CSF2RB: variants seen among roughly 807,000 people sequenced by gnomAD.
CSF2RB encodes the protein cytokine receptor common subunit beta.
CSF2RB carries 22 observed loss-of-function variants against 67.2 expected under a neutral mutation model. The ratio of observed to expected loss-of-function variants is 0.33; its 90% CI spans 0.23 to 0.47. The LOEUF (loss-of-function observed/expected upper bound fraction) is 0.47. Among genes scored for constraint, CSF2RB ranks in the 20% least tolerant of loss-of-function variants. CSF2RB has a pLI of 1.00. For missense variants in CSF2RB, 1,113 were observed against 1,174.5 expected (o/e 0.95, Z 0.76); for synonymous variants, 507 against 482.9 (o/e 1.05, Z -0.65).
rs956937682 is a variant in CSF2RB, at chr22:36,937,139, A to T, written c.1569-238A>T. ...GAGGGTACCAGCCTTGCAGAGGAAGACCTTGAGCTCAGCATGGAGGATGGA... is the reference window on the plus strand; with the variant it reads ...GAGGGTACCAGCCTTGCAGAGGAAGTCCTTGAGCTCAGCATGGAGGATGGA... On this transcript the variant is annotated intron_variant, in intron 13 of 13. Transcript: ENST00000403662. The surrounding 1 kb of genome is among the most constrained non-coding windows in gnomAD (Gnocchi z 4.6). Among the ~76,000 whole-genome samples the T allele has an allele frequency of 6.6e-6, 1 of 152,010 alleles. No homozygotes were observed. Among genetic ancestry groups the T allele is most frequent in the African/African-American group, 2.4e-5 (1 of 41,360 alleles).
At chr22:36,935,312 C>G in intron 10 of CSF2RB, 39 bp from the exon 11 acceptor site, 33 of 1,602,918 alleles carry the variant, frequency 2.1e-5, no homozygotes, top group Non-Finnish European at 2.8e-5. Flanking sequence ...ATTTCCCGCC[C>G]AGATGCTGAC....
rs149714683 is a variant in CSF2RB at position 36,929,733 on chromosome 22, G to A, written c.644G>A (p.Arg215His). The change falls in exon 6 of 14, where the codon CGC becomes CAC. Residue 215 changes from arginine to histidine, a missense_variant. By Grantham distance (29) the Arg-to-His change is conservative. Transcript: ENST00000403662. ...ACCTACGTGGCCCGAGTACGGACCC[G>A]CCTGGCCCCAGGTTCTCGGCTCTCA... ...SSTYVARVRT[R>H]LAPGSRLSGR... 2.5e-4 allele frequency: 400 copies of A among 1,614,136 alleles called. 1 individual carries two copies. The highest frequency in any genetic ancestry group is 3.3e-4 in the Middle Eastern group (2 of 6,062).
At position 36,937,364 on chromosome 22, in the gene CSF2RB, T is replaced by G. The variant is rs16997510; in HGVS notation, c.1569-13T>G. Reference sequence around the variant, plus strand: ...GGGTGGTCCCAACTCTTCTGCCCATTTTCTTCCCACAGGGTGTTCCCTGTA... The same window carrying G: ...GGGTGGTCCCAACTCTTCTGCCCATGTTCTTCCCACAGGGTGTTCCCTGTA... On this transcript the variant is annotated splice_polypyrimidine_tract_variant and intron_variant, in intron 13 of 13. Coordinates refer to ENST00000403662, the MANE Select transcript of CSF2RB (RefSeq NM_000395.3). The surrounding 1 kb of genome is among the most constrained non-coding windows in gnomAD (Gnocchi z 4.6). The G allele has an allele frequency of 0.035, 56,845 of 1,611,906 alleles. 2,083 individuals carry two copies. Among genetic ancestry groups the G allele is most frequent in the African/African-American group, 0.16 (12,031 of 74,700 alleles).
intron 10 of CSF2RB, 76 bp from the exon 11 acceptor site, chr22:36,935,275 C>A (rs895336391): frequency 2.2e-6 from 3 of 1,391,034 alleles, no homozygotes; most frequent in Non-Finnish European, 3.0e-6. Flanking sequence ...GAATACTGCA[C>A]CAACCCCACT....
chr22:36,931,196 T>G (rs1941141637), intron 8 of CSF2RB, among the ~76,000 whole-genome samples: 1 of 152,232 alleles, frequency 6.6e-6, no homozygotes, highest in African/African-American at 2.4e-5. Flanking sequence ...CGACTGATAT[T>G]CTATCTTTAA....
chr22:36,926,212 T>A (rs749366022), intron 4 of CSF2RB, 35 bp downstream of exon 4: 19 of 1,609,062 alleles, frequency 1.2e-5, no homozygotes, highest in Admixed American at 3.3e-5. Context: ...GGGCTTGGTT[T>A]CCTGTGTGGA....
At chr22:36,932,648 G>A in intron 8 of CSF2RB, 117 bp from the exon 9 acceptor site, 2 of 1,227,254 alleles carry the variant, frequency 1.6e-6, no homozygotes, top group Non-Finnish European at 2.3e-6. Flanking sequence ...TCCAACCATG[G>A]GCAGAACCTG....
intron 12 of CSF2RB, 111 bp from the exon 13 acceptor site, chr22:36,936,435 ATTC>A: frequency 1.2e-6 from 1 of 819,468 alleles, no homozygotes; most frequent in East Asian, 2.6e-5. Flanking sequence ...AGAAGTGGAG[ATTC>A]TTCTCTTGTC....
In CSF2RB at chr22:36,932,655, C is replaced by T. The variant is rs113288713; in HGVS notation, c.1013-110C>T. On this transcript the variant is annotated intron_variant, in intron 8 of 13. Coordinates refer to ENST00000403662, the MANE Select transcript of CSF2RB (RefSeq NM_000395.3). The stretch of plus-strand genomic sequence containing the variant: ...GAAAAGGATCCAACCATGGGCAGAA[C>T]CTGGGGTCTGGTGCCAGTGGAGACA... 60 of 1,307,646 alleles carry T rather than the reference C, an allele frequency of 4.6e-5. No individual in the cohort carries two copies. The African/African-American group carries it at 4.9e-4, about 11-fold the overall frequency. 81.0% of individuals were successfully genotyped at this position (1,307,646 alleles called of 1,614,324 possible).
chr22:36,929,514 T>C lies in CSF2RB; in HGVS notation c.504T>C (p.Asp168=). The C allele has an allele frequency of 6.2e-7, 1 of 1,614,140 alleles. No homozygotes were observed. Among genetic ancestry groups the C allele is most frequent in the African/African-American group, 1.3e-5 (1 of 75,038 alleles). Reference sequence around the variant, plus strand: ...AGAGCCACTGGTTGTCCCCAGGGGATCTGGAGTTTGAGGTGGTCTACAAGC... The same window carrying C: ...AGAGCCACTGGTTGTCCCCAGGGGACCTGGAGTTTGAGGTGGTCTACAAGC... ...SPQSHWLSPG[D]LEFEVVYKRL... Residue 168 remains aspartate (D), a synonymous_variant, in exon 5 of 14, where the codon GAT becomes GAC. Coordinates refer to ENST00000403662, the MANE Select transcript of CSF2RB (RefSeq NM_000395.3).
chr22:36,935,409 G>A lies in CSF2RB; in HGVS notation c.1374G>A (p.Leu458=), dbSNP rs915169505. 11 of 1,614,056 alleles carry A rather than the reference G, an allele frequency of 6.8e-6. No homozygotes were observed. The highest frequency in any genetic ancestry group is 9.3e-6 in the Non-Finnish European group (11 of 1,180,048). ...IVIFLTIAVL[L]ALRFCGIYGY... ...TCTTCCTCACCATCGCTGTGCTCCT[G>A]GCCCTCCGCTTCTGTGGCATCTACG... The change falls in exon 11 of 14, where the codon CTG becomes CTA. Residue 458 remains leucine, a synonymous_variant. Transcript: ENST00000403662.
intron 1 of CSF2RB, among the ~76,000 whole-genome samples, chr22:36,917,572 T>C (rs970909996): frequency 3.9e-5 from 6 of 152,234 alleles, no homozygotes; most frequent in Non-Finnish European, 8.8e-5. Context: ...CCATGCTTAC[T>C]CTTCATTCTT....
chr22:36,913,628 A>AGAGC lies in CSF2RB; in HGVS notation c.-222_-221insGAGC, dbSNP rs2145757717. On this transcript the variant is annotated 5_prime_UTR_variant, in exon 1 of 14. Transcript: ENST00000403662. ...CATAAATAGGAAACGTGGGAGGCTC[A>AGAGC]CTCTGCCTAGAGGCTCCAGAAGAAG... The AGAGC allele has an allele frequency of 6.6e-6, 1 of 152,300 alleles. No individual in the cohort carries two copies. The highest frequency in any genetic ancestry group is 2.1e-4 in the South Asian group (1 of 4,820). The allele number at this position is 152,300 out of a possible 1,614,324, so 9.4% of individuals were successfully genotyped here.
At chr22:36,923,823 G>A in intron 3 of CSF2RB, 1 of 1,272,460 alleles carries the variant, frequency 7.9e-7, no homozygotes, top group Non-Finnish European at 1.0e-6. Context: ...TGGAGGTGAG[G>A]TGCCAGCCCT....
Position 36,922,204 on chromosome 22 carries a change from G to A in CSF2RB, c.-4G>A, listed in dbSNP as rs939380430. ...TGCCTGCCTGTCCAGAGCTGACCAG[G>A]GAGATGGTGCTGGCCCAGGGGCTGC... is the stretch of plus-strand genomic sequence containing the variant. On this transcript the variant is annotated 5_prime_UTR_variant, in exon 2 of 14. Transcript: ENST00000403662. The A allele has an allele frequency of 5.0e-6, 8 of 1,584,524 alleles. No homozygotes were observed. The African/African-American group carries it at 1.1e-4, about 21-fold the overall frequency.
Position 36,935,402 on chromosome 22 carries a change from T to G in CSF2RB, c.1367T>G (p.Val456Gly). 1 of 1,614,188 alleles carries G rather than the reference T, an allele frequency of 6.2e-7. No individual in the cohort carries two copies. Among genetic ancestry groups the G allele is most frequent in the Non-Finnish European group, 8.5e-7 (1 of 1,180,024 alleles). The change falls in exon 11 of 14, where the codon GTG (valine) becomes GGG (glycine). Residue 456 changes from valine (V) to glycine (G), a missense_variant. Val to Gly is a moderately radical substitution (Grantham distance 109). Transcript: ENST00000403662. ...ALIVIFLTIA[V>G]LLALRFCGIY... ...ATCGTGATCTTCCTCACCATCGCTG[T>G]GCTCCTGGCCCTCCGCTTCTGTGGC...
intron 4 of CSF2RB, among the ~76,000 whole-genome samples, chr22:36,928,269 T>C (rs944119314): frequency 6.6e-6 from 1 of 152,146 alleles, no homozygotes; most frequent in Non-Finnish European, 1.5e-5. Flanking sequence ...GAGGTTTCTC[T>C]TGAGTTGGCT....
At position 36,930,124 on chromosome 22, in the gene CSF2RB, G is replaced by A. The variant is rs578106262; in HGVS notation, c.719-251G>A. Among the ~76,000 whole-genome samples, 22 of 152,342 alleles carry A rather than the reference G, an allele frequency of 1.4e-4. No homozygotes were observed. In the East Asian group the frequency reaches 3.9e-3, roughly 27 times the overall value. On this transcript the variant is annotated intron_variant, in intron 6 of 13. Coordinates refer to ENST00000403662, the MANE Select transcript of CSF2RB (RefSeq NM_000395.3). ...GCTCAGGGCTTACCCACATTTTTCA[G>A]TTCAATCCCCAAACACTGAAACTTA...
rs758918017 is a variant in CSF2RB at position 36,938,211 on chromosome 22, A to C, written c.2403A>C (p.Ala801=). 2 of 1,614,142 alleles carry C rather than the reference A, an allele frequency of 1.2e-6. No individual in the cohort carries two copies. Among genetic ancestry groups the C allele is most frequent in the Non-Finnish European group, 1.7e-6 (2 of 1,179,996 alleles). The change falls in exon 14 of 14, where the codon GCA becomes GCC. Residue 801 remains alanine, a synonymous_variant. Coordinates refer to ENST00000403662, the MANE Select transcript of CSF2RB (RefSeq NM_000395.3). ...TCCTGAACCCAGGGGAACGCCCGGCAGATGTGTCCCCAACATCCCCACAGC... is the reference window on the plus strand; with the variant it reads ...TCCTGAACCCAGGGGAACGCCCGGCCGATGTGTCCCCAACATCCCCACAGC... ...SPVLNPGERP[A]DVSPTSPQPE...
Sources: gnomAD v4.1 joint callset for allele counts (sites outside exome capture counted in the v4.1 genomes callset) on GRCh38, gnomAD v4.1.1 for gene constraint, Gnocchi (gnomAD v3.1) non-coding constraint, MANE v1.5 for transcripts, NCBI Gene and HGNC (gene_info 2026-07-23, HGNC 2026-07-21) for gene names.